CHCHD6: variants seen among roughly 807,000 people sequenced by gnomAD.
The protein encoded by CHCHD6 is MICOS complex subunit MIC25.
CHCHD6 carries 28 observed loss-of-function variants against 32.3 expected under a neutral mutation model. The ratio of observed to expected loss-of-function variants is 0.87; its 90% CI spans 0.64 to 1.19. CHCHD6 has a LOEUF of 1.19. Ranked by LOEUF, CHCHD6 falls within the 50% of genes most tolerant of loss-of-function variation. CHCHD6 has a pLI of 0.00. For missense variants in CHCHD6, 333 were observed against 307.0 expected (o/e 1.08, Z -0.63); for synonymous variants, 122 against 117.5 (o/e 1.04, Z -0.25).
chr3:126,949,386 G>A (rs991728757), intron 6 of CHCHD6: 18 of 229,434 alleles, frequency 7.8e-5, no homozygotes, highest in African/African-American at 4.3e-4. Context: ...GCCATGGACG[G>A]AAAAAGGGAA....
At chr3:126,729,634 G>C (rs1178660460) in intron 2 of CHCHD6, among the ~76,000 whole-genome samples, 2 of 152,156 alleles carry the variant, frequency 1.3e-5, no homozygotes, top group Admixed American at 1.3e-4. Context: ...GAGGAGCATG[G>C]GAGGTGCTCT....
intron 5 of CHCHD6, among the ~76,000 whole-genome samples, chr3:126,867,384 G>A (rs919922237): frequency 2.0e-5 from 3 of 152,148 alleles, no homozygotes; most frequent in Non-Finnish European, 4.4e-5. Flanking sequence ...CTCCTCCAGC[G>A]TTATTGTGTG....
intron 4 of CHCHD6, among the ~76,000 whole-genome samples, chr3:126,834,717 G>A (rs973792656): frequency 2.4e-4 from 36 of 152,112 alleles, no homozygotes; most frequent in African/African-American, 8.7e-4. Flanking sequence ...CACGACAGAA[G>A]GAGCATACAT....
At chr3:126,721,755 C>T (rs1935305952) in intron 1 of CHCHD6, among the ~76,000 whole-genome samples, 1 of 133,824 alleles carries the variant, frequency 7.5e-6, no homozygotes, top group Non-Finnish European at 1.6e-5. Context: ...GCTATCAGTC[C>T]CCACCCCGGT....
chr3:126,747,891 A>G lies in CHCHD6; in HGVS notation c.411+14669A>G, dbSNP rs750944389. Among the ~76,000 whole-genome samples, 15 of 152,118 alleles carry G rather than the reference A, an allele frequency of 9.9e-5. 1 individual carries two copies. The highest frequency in any genetic ancestry group is 3.9e-4 in the Admixed American group (6 of 15,274). ...CTAGAGGCTGGATGGTTGGGTTCTC[A>G]TGCAGTTCGTGCTCTCTGACCTCCT... On this transcript the variant is annotated intron_variant, in intron 4 of 7. Coordinates refer to ENST00000290913, the MANE Select transcript of CHCHD6 (RefSeq NM_032343.3).
At chr3:126,827,225 G>C (rs1036080177) in intron 4 of CHCHD6, among the ~76,000 whole-genome samples, 25 of 152,268 alleles carry the variant, frequency 1.6e-4, no homozygotes, top group African/African-American at 5.1e-4. Flanking sequence ...ACTATTGAAG[G>C]CTTCATGCAA....
chr3:126,740,945 G>A (rs1367466320), intron 4 of CHCHD6, among the ~76,000 whole-genome samples: 1 of 152,226 alleles, frequency 6.6e-6, no homozygotes, highest in African/African-American at 2.4e-5. Flanking sequence ...GTAGAAACCA[G>A]ACATGGTGTT....
intron 4 of CHCHD6, among the ~76,000 whole-genome samples, chr3:126,821,527 C>G (rs1333194084): frequency 6.6e-6 from 1 of 151,456 alleles, no homozygotes; most frequent in Non-Finnish European, 1.5e-5. Context: ...AACTCCTGAC[C>G]TTGCAATCCA....
chr3:126,912,879 T>C (rs1559918573), intron 5 of CHCHD6, among the ~76,000 whole-genome samples: 2 of 152,064 alleles, frequency 1.3e-5, no homozygotes, highest in Non-Finnish European at 2.9e-5. Flanking sequence ...GCCTTAGAGG[T>C]GGGGGGTCCA....
chr3:126,877,165 C>G (rs1028855444), intron 5 of CHCHD6, among the ~76,000 whole-genome samples: 2 of 152,206 alleles, frequency 1.3e-5, no homozygotes, highest in African/African-American at 2.4e-5. Flanking sequence ...GGAATTGTTA[C>G]TCATAGCGGG....
chr3:126,798,410 C>T (rs907947110), intron 4 of CHCHD6, among the ~76,000 whole-genome samples: 1 of 152,194 alleles, frequency 6.6e-6, no homozygotes, highest in African/African-American at 2.4e-5. Flanking sequence ...TGAGGTTTCT[C>T]GGGTCTGTGT....
At chr3:126,810,117 T>C (rs1939596338) in intron 4 of CHCHD6, among the ~76,000 whole-genome samples, 1 of 152,168 alleles carries the variant, frequency 6.6e-6, no homozygotes. Flanking sequence ...AATGGATCAA[T>C]GTCTTTAAAA....
intron 4 of CHCHD6, among the ~76,000 whole-genome samples, chr3:126,740,816 G>A (rs1253618640): frequency 6.6e-6 from 1 of 152,212 alleles, no homozygotes; most frequent in Non-Finnish European, 1.5e-5. Flanking sequence ...TTGGAGAAAG[G>A]AAAACTGTAG....
intron 4 of CHCHD6, among the ~76,000 whole-genome samples, chr3:126,843,864 T>A (rs1460003565): frequency 6.6e-6 from 1 of 152,236 alleles, no homozygotes; most frequent in African/African-American, 2.4e-5. Flanking sequence ...TCCATTTATA[T>A]CATTATGTTT....
chr3:126,728,453 A>G (rs1158866518), intron 2 of CHCHD6, among the ~76,000 whole-genome samples: 1 of 152,172 alleles, frequency 6.6e-6, no homozygotes, highest in Non-Finnish European at 1.5e-5. Flanking sequence ...ATTGCCCAGG[A>G]GCCAGTCAGC....
chr3:126,863,684 C>T (rs1942074070), intron 5 of CHCHD6, among the ~76,000 whole-genome samples: 1 of 148,180 alleles, frequency 6.7e-6, no homozygotes, highest in African/African-American at 2.5e-5. Context: ...ACCTCCTCCT[C>T]CTCCACCATC....
intron 6 of CHCHD6, among the ~76,000 whole-genome samples, chr3:126,919,954 T>C (rs1025069958): frequency 2.0e-5 from 3 of 152,082 alleles, no homozygotes; most frequent in Admixed American, 1.3e-4. Context: ...TCTCTTACCA[T>C]TATCTCTTCA....
At chr3:126,710,566 T>C (rs2107649496) in intron 1 of CHCHD6, among the ~76,000 whole-genome samples, 1 of 152,344 alleles carries the variant, frequency 6.6e-6, no homozygotes, top group South Asian at 2.1e-4. Flanking sequence ...CCAATTAGTA[T>C]ACACGAAATA....
At chr3:126,744,903 G>A (rs1936429232) in intron 4 of CHCHD6, among the ~76,000 whole-genome samples, 2 of 152,176 alleles carry the variant, frequency 1.3e-5, no homozygotes, top group African/African-American at 4.8e-5. Flanking sequence ...GGCCAGGCTG[G>A]GACCTCCTGT....
Sources: allele counts gnomAD v4.1 joint callset (sites outside exome capture counted in the v4.1 genomes callset), GRCh38; gene constraint gnomAD v4.1.1; transcripts MANE v1.5; gene names NCBI Gene and HGNC (gene_info 2026-07-23, HGNC 2026-07-21).